ANOS1: variants seen among roughly 807,000 people sequenced by gnomAD.
The protein encoded by ANOS1 is anosmin 1, also known as anosmin-1.
Under a neutral mutation model 59.0 loss-of-function variants are expected in ANOS1, and 6 were observed. The observed-to-expected ratio is 0.10, with a 90% CI of 0.06 to 0.20. The LOEUF is 0.20. ANOS1 is among the 10% of genes least tolerant of loss of function. The pLI is 1.00. For missense variants in ANOS1, 433 were observed against 542.3 expected, an observed-to-expected ratio of 0.80 and a Z score of 2.00; for synonymous variants, 217 against 223.4, an observed-to-expected ratio of 0.97 and a Z score of 0.25.
At chrX:8,712,983 C>T (rs1251815390) in intron 1 of ANOS1, among the ~76,000 whole-genome samples, 1 of 111,182 alleles carries the variant, frequency 9.0e-6, no homozygotes, top group Non-Finnish European at 1.9e-5. Flanking sequence ...CCCATTCTCT[C>T]CCAGGAGACC....
chrX:8,712,116 A>AC (rs199974536), intron 1 of ANOS1, among the ~76,000 whole-genome samples: 1,962 of 112,406 alleles, frequency 0.017, 47 homozygotes, highest in African/African-American at 0.061. Flanking sequence ...GAAGTGTGAG[A>AC]CCAAGTTATC....
At chrX:8,548,096 A>C (rs1929799453) in intron 9 of ANOS1, among the ~76,000 whole-genome samples, 1 of 111,920 alleles carries the variant, frequency 8.9e-6, no homozygotes, top group Admixed American at 9.5e-5. Flanking sequence ...TCATCTAAAG[A>C]CTCTTATTAC....
rs780607838 is a variant in ANOS1, at chrX:8,614,138, A to T, written c.318+9470T>A. Among the ~76,000 whole-genome samples, 4 of 110,820 alleles carry T rather than the reference A, an allele frequency of 3.6e-5. No individual in the cohort carries two copies. In the South Asian group the frequency reaches 1.5e-3, roughly 43 times the overall value. On this transcript the variant is annotated intron_variant, in intron 3 of 13. Coordinates refer to ENST00000262648, the MANE Select transcript of ANOS1 (RefSeq NM_000216.4). ...CCCTCTCCATATTTACATTTCCTTCACCCCTAGTTCCTTACTCCAGAGATC... is the reference window on the plus strand; with the variant it reads ...CCCTCTCCATATTTACATTTCCTTCTCCCCTAGTTCCTTACTCCAGAGATC...
chrX:8,731,757 G>A, intron 1 of ANOS1, 73 bp downstream of exon 1: 1 of 1,140,352 alleles, frequency 8.8e-7, no homozygotes, highest in South Asian at 2.0e-5. Flanking sequence ...CCCAGGCTGG[G>A]AGGCGCGCGC....
chrX:8,564,644 T>C (rs753768218), intron 8 of ANOS1, among the ~76,000 whole-genome samples: 24 of 111,951 alleles, frequency 2.1e-4, no homozygotes, highest in African/African-American at 6.8e-4. Context: ...GGAATGGGTC[T>C]AGAAACTGCA....
At chrX:8,618,863 G>T (rs12011337) in intron 3 of ANOS1, among the ~76,000 whole-genome samples, 42,258 of 108,341 alleles carry the variant, frequency 0.39, 6,088 homozygotes, top group South Asian at 0.46. Context: ...CCTGAGGTCA[G>T]GAGTTCGAGA....
chrX:8,725,621 TAC>T (rs1324486274), intron 1 of ANOS1, among the ~76,000 whole-genome samples: 1 of 43,515 alleles, frequency 2.3e-5, no homozygotes, highest in Admixed American at 2.7e-4. Flanking sequence ...TATATATATA[TAC>T]AGATATATAT....
intron 2 of ANOS1, among the ~76,000 whole-genome samples, chrX:8,680,218 A>G (rs1293041781): frequency 1.9e-5 from 2 of 103,521 alleles, no homozygotes; most frequent in Non-Finnish European, 3.9e-5. Context: ...TTTTTAAATT[A>G]TTTATTTATT....
chrX:8,626,721 C>T lies in ANOS1; in HGVS notation c.256-3051G>A, dbSNP rs910573033. Among the ~76,000 whole-genome samples the T allele has an allele frequency of 2.8e-5, 3 of 108,176 alleles. No individual in the cohort carries two copies. The South Asian group carries it at 1.3e-3, about 46-fold the overall frequency. 93.9% of individuals were successfully genotyped at this position (108,176 alleles called of 115,157 possible). ...AAAAATACAAAAAAAATTATCCAGG[C>T]GTGGTGGCGGGCGCCTGTAGTCCTA... is the stretch of plus-strand genomic sequence containing the variant. On this transcript the variant is annotated intron_variant, in intron 2 of 13. Coordinates refer to ENST00000262648, the MANE Select transcript of ANOS1 (RefSeq NM_000216.4).
At chrX:8,652,233 G>A (rs1931860530) in intron 2 of ANOS1, among the ~76,000 whole-genome samples, 1 of 111,853 alleles carries the variant, frequency 8.9e-6, no homozygotes, top group Non-Finnish European at 1.9e-5. Context: ...AAAGCGCTGA[G>A]ATTACAGGTG....
chrX:8,596,893 T>A, intron 4 of ANOS1, 141 bp downstream of exon 4: 1 of 956,629 alleles, frequency 1.0e-6, no homozygotes, highest in Non-Finnish European at 1.4e-6. Context: ...TGTTAAGATG[T>A]CTGTATGTGG....
chrX:8,547,839 C>T (rs1458344362), intron 9 of ANOS1, among the ~76,000 whole-genome samples: 1 of 111,061 alleles, frequency 9.0e-6, no homozygotes, highest in African/African-American at 3.3e-5. Flanking sequence ...GCCTCGGTCT[C>T]CCAAGTAGCT....
At chrX:8,541,433 C>T (rs1358800231) in intron 9 of ANOS1, among the ~76,000 whole-genome samples, 1 of 82,256 alleles carries the variant, frequency 1.2e-5, no homozygotes, top group African/African-American at 4.4e-5. Context: ...AACAAAAAAA[C>T]AAAAAAATAA....
chrX:8,698,180 A>G (rs1222131708), intron 2 of ANOS1, among the ~76,000 whole-genome samples: 1 of 112,174 alleles, frequency 8.9e-6, no homozygotes, highest in East Asian at 2.8e-4. Flanking sequence ...TTTCTGACAA[A>G]AAGGATTGCT....
At chrX:8,600,142 C>T (rs1371996744) in intron 3 of ANOS1, among the ~76,000 whole-genome samples, 1 of 111,779 alleles carries the variant, frequency 8.9e-6, no homozygotes, top group Non-Finnish European at 1.9e-5. Flanking sequence ...TAAGAGTTGA[C>T]GGCAAATGTT....
intron 1 of ANOS1, among the ~76,000 whole-genome samples, chrX:8,725,651 G>GAT (rs762708250): frequency 2.5e-4 from 5 of 19,727 alleles, no homozygotes; most frequent in Non-Finnish European, 4.1e-4. Flanking sequence ...TATATATACA[G>GAT]ATATATATAT....
At chrX:8,647,963 C>T (rs768841245) in intron 2 of ANOS1, among the ~76,000 whole-genome samples, 1 of 111,806 alleles carries the variant, frequency 8.9e-6, no homozygotes, top group Non-Finnish European at 1.9e-5. Context: ...CATTTGAAAT[C>T]CAGTGAGTTT....
intron 2 of ANOS1, among the ~76,000 whole-genome samples, chrX:8,648,135 T>A: frequency 8.9e-6 from 1 of 112,329 alleles, no homozygotes; most frequent in East Asian, 2.8e-4. Context: ...ACAATTTATA[T>A]GCCTCCAAAG....
chrX:8,589,664 CTTGTA>C (rs1930581969), intron 4 of ANOS1, among the ~76,000 whole-genome samples: 1 of 112,156 alleles, frequency 8.9e-6, no homozygotes, highest in Non-Finnish European at 1.9e-5. Flanking sequence ...TTATTTCAAG[CTTGTA>C]TTGTAAACTT....
Sources: allele counts gnomAD v4.1 joint callset (sites outside exome capture counted in the v4.1 genomes callset), GRCh38; gene constraint gnomAD v4.1.1; transcripts MANE v1.5; gene names NCBI Gene and HGNC (gene_info 2026-07-23, HGNC 2026-07-21).